GLIS3: variants seen among roughly 807,000 people sequenced by gnomAD.
The protein encoded by GLIS3 is GLIS family zinc finger 3.
In GLIS3, 53 loss-of-function variants were observed where a neutral mutation model predicts 78.6. That is an observed-to-expected ratio of 0.67 (90% CI 0.54 to 0.85). The LOEUF (loss-of-function observed/expected upper bound fraction) is 0.85. GLIS3 is among the 40% of genes least tolerant of loss of function. The pLI is 0.00. For synonymous variants in GLIS3, 684 were observed against 509.9 expected (o/e 1.34, Z -4.60); for missense variants, 1,703 against 1,231.1 (o/e 1.38, Z -5.74).
chr9:4,338,676 T>A (rs964317533), intron 2 of GLIS3, among the ~76,000 whole-genome samples: 1 of 152,102 alleles, frequency 6.6e-6, no homozygotes, highest in African/African-American at 2.4e-5. Flanking sequence ...AAAAAGGAAC[T>A]GGGGGAAAAT....
the GLIS3 span, among the ~76,000 whole-genome samples, chr9:4,438,882 C>T: frequency 6.6e-6 from 1 of 152,172 alleles, no homozygotes; most frequent in Non-Finnish European, 1.5e-5. Flanking sequence ...TTATAAATTA[C>T]CTAGTCCTAG....
At chr9:4,480,478 G>A in the GLIS3 span, among the ~76,000 whole-genome samples, 1 of 151,964 alleles carries the variant, frequency 6.6e-6, no homozygotes, top group Non-Finnish European at 1.5e-5. Flanking sequence ...TAGGATTATA[G>A]GCATGGGCCA....
At chr9:4,339,707 A>G (rs1817804651) in intron 2 of GLIS3, among the ~76,000 whole-genome samples, 1 of 124,194 alleles carries the variant, frequency 8.1e-6, no homozygotes, top group African/African-American at 3.2e-5. Flanking sequence ...CCAGATAACA[A>G]TGCAATGATG....
chr9:3,856,557 T>G (rs564283032), intron 8 of GLIS3, among the ~76,000 whole-genome samples: 4 of 152,348 alleles, frequency 2.6e-5, no homozygotes, highest in African/African-American at 9.6e-5. Flanking sequence ...AAGGGGAAAT[T>G]TGATCCGTAT....
rs910222324 is a variant in GLIS3, at chr9:3,993,731, T to C, written c.1711-56542A>G. ...AAATATTATTAAATAATGTTGATGA[T>C]TGCATGATTTTAGCAAATGGCTATA... On this transcript the variant is annotated intron_variant, in intron 4 of 10. Transcript: ENST00000381971. 2.6e-5 allele frequency among the ~76,000 whole-genome samples: 4 copies of C among 152,236 alleles called. No homozygotes were observed. The East Asian group carries it at 5.8e-4, about 22-fold the overall frequency.
intron 4 of GLIS3, among the ~76,000 whole-genome samples, chr9:4,055,774 C>T (rs932912381): frequency 2.0e-5 from 3 of 152,210 alleles, no homozygotes; most frequent in African/African-American, 7.2e-5. Context: ...AGTTCAACAA[C>T]AGCCAACTTC....
intron 4 of GLIS3, among the ~76,000 whole-genome samples, chr9:3,956,237 G>A (rs909890306): frequency 7.9e-5 from 12 of 151,914 alleles, no homozygotes; most frequent in African/African-American, 2.9e-4. Context: ...CCAAGACACA[G>A]CAATGCTCTC....
intron 2 of GLIS3, among the ~76,000 whole-genome samples, chr9:4,246,896 C>G (rs1299139044): frequency 2.0e-5 from 3 of 152,100 alleles, no homozygotes; most frequent in Admixed American, 6.6e-5. Context: ...CTTATTTTCT[C>G]CAGGCTTTTT....
chr9:4,152,102 G>A (rs117095359), intron 2 of GLIS3: 20,739 of 975,806 alleles, frequency 0.021, 262 homozygotes, highest in Non-Finnish European at 0.024. Flanking sequence ...ATTTTTCTAC[G>A]GCCATTCAAA....
the GLIS3 span, among the ~76,000 whole-genome samples, chr9:4,489,108 C>G: frequency 6.6e-6 from 1 of 152,130 alleles, no homozygotes; most frequent in Non-Finnish European, 1.5e-5. Flanking sequence ...ACCTCGTGAT[C>G]CGCTCGCCTC....
chr9:4,440,876 T>A, the GLIS3 span, among the ~76,000 whole-genome samples: 1 of 152,182 alleles, frequency 6.6e-6, no homozygotes. Flanking sequence ...ATCTTTCACT[T>A]CCTTGGTTAA....
At chr9:4,361,581 C>T in the GLIS3 span, among the ~76,000 whole-genome samples, 1 of 152,306 alleles carries the variant, frequency 6.6e-6, no homozygotes, top group African/African-American at 2.4e-5. Context: ...TGTTACTCGC[C>T]TGAGATGCCA....
the GLIS3 span, among the ~76,000 whole-genome samples, chr9:4,413,344 C>A: frequency 1.3e-4 from 20 of 152,198 alleles, no homozygotes; most frequent in African/African-American, 4.3e-4. Context: ...GAAGTGTCAT[C>A]TTCTCTGTTT....
At chr9:4,010,397 T>G (rs1821905971) in intron 4 of GLIS3, among the ~76,000 whole-genome samples, 1 of 152,168 alleles carries the variant, frequency 6.6e-6, no homozygotes. Flanking sequence ...GCCCTCAGAC[T>G]GGCCCAGAGT....
intron 8 of GLIS3, among the ~76,000 whole-genome samples, chr9:3,868,943 T>G (rs547951834): frequency 6.6e-6 from 1 of 152,234 alleles, no homozygotes; most frequent in Non-Finnish European, 1.5e-5. Flanking sequence ...TTTTGGGTTA[T>G]GTGCTCTTTC....
At chr9:3,991,170 G>A (rs922394132) in intron 4 of GLIS3, among the ~76,000 whole-genome samples, 2 of 152,196 alleles carry the variant, frequency 1.3e-5, no homozygotes, top group African/African-American at 4.8e-5. Flanking sequence ...CAGACATATT[G>A]TAGGAGGAAG....
At chr9:4,107,582 A>G (rs1300918373) in intron 4 of GLIS3, among the ~76,000 whole-genome samples, 1 of 152,232 alleles carries the variant, frequency 6.6e-6, no homozygotes, top group Non-Finnish European at 1.5e-5. Flanking sequence ...TTTGGGTTAA[A>G]TTATTTTAAT....
intron 4 of GLIS3, among the ~76,000 whole-genome samples, chr9:4,016,674 T>C (rs764643148): frequency 2.0e-5 from 3 of 152,154 alleles, no homozygotes; most frequent in Non-Finnish European, 4.4e-5. Context: ...CTTTCCACAA[T>C]TGCTCTGCTC....
the GLIS3 span, among the ~76,000 whole-genome samples, chr9:4,393,748 C>T: frequency 6.6e-6 from 1 of 152,146 alleles, no homozygotes; most frequent in African/African-American, 2.4e-5. Context: ...TGTCCTTCTG[C>T]GTACATCATA....
Sources: gnomAD v4.1 joint callset for allele counts (sites outside exome capture counted in the v4.1 genomes callset) on GRCh38, gnomAD v4.1.1 for gene constraint, MANE v1.5 for transcripts, NCBI Gene and HGNC (gene_info 2026-07-23, HGNC 2026-07-21) for gene names.